The following PRRG1 variants were observed in gnomAD, a reference collection of about 807,000 sequenced individuals.
PRRG1 encodes proline rich and Gla domain 1.
A neutral mutation model predicts 11.8 loss-of-function variants in PRRG1; 5 were observed. That is an observed-to-expected ratio of 0.42 (90% CI 0.22 to 0.89). The LOEUF (loss-of-function observed/expected upper bound fraction) is 0.89. Ranked by LOEUF, PRRG1 falls within the 40% of genes least tolerant of loss-of-function variation. The pLI, the probability that PRRG1 is intolerant of heterozygous loss-of-function variation, is 0.28. For missense variants in PRRG1, 155 were observed against 166.1 expected (o/e 0.93, Z 0.37); for synonymous variants, 66 against 60.4 (o/e 1.09, Z -0.43).
intron 2 of PRRG1, 23 bp downstream of exon 2, chrX:37,406,282 G>A: frequency 8.4e-7 from 1 of 1,183,648 alleles, no homozygotes; most frequent in Non-Finnish European, 1.1e-6. Context: ...TCCTTTTTAA[G>A]TAATTCAGAC....
Position 37,442,001 on chromosome X carries a change from G to C in PRRG1, c.172-11135G>C. 4 of 768,790 alleles carry C rather than the reference G, an allele frequency of 5.2e-6. No homozygotes were observed. The South Asian group carries it at 1.9e-4, about 37-fold the overall frequency. The allele number at this position is 768,790 out of a possible 1,213,427, so 63.4% of individuals were successfully genotyped here. A position where few individuals can be genotyped will look rare whatever the true frequency, so the allele number is the denominator to read the frequency against. ...TACCTGAGCAACCTGTGCAAGACGTGAGCCCCAGAAGCAGGCCTGGCAGAG... is the reference window on the plus strand; with the variant it reads ...TACCTGAGCAACCTGTGCAAGACGTCAGCCCCAGAAGCAGGCCTGGCAGAG... On this transcript the variant is annotated intron_variant, in intron 3 of 3. Coordinates refer to ENST00000378628, the MANE Select transcript of PRRG1 (RefSeq NM_001142395.2).
intron 1 of PRRG1, among the ~76,000 whole-genome samples, chrX:37,369,172 C>T (rs1930677929): frequency 8.9e-6 from 1 of 112,304 alleles, no homozygotes; most frequent in South Asian, 3.7e-4. Flanking sequence ...GGTATCATTT[C>T]TCTTCTATGT....
chrX:37,381,257 G>A (rs1301875756), intron 1 of PRRG1, among the ~76,000 whole-genome samples: 2 of 111,380 alleles, frequency 1.8e-5, no homozygotes, highest in Non-Finnish European at 3.8e-5. Flanking sequence ...CATTTGAGTG[G>A]GCCAGTTTCT....
intron 3 of PRRG1, chrX:37,441,899 G>A: frequency 1.3e-6 from 1 of 772,917 alleles, no homozygotes; most frequent in Non-Finnish European, 1.5e-6. Flanking sequence ...ATGGAGAAAG[G>A]TGACCCCCAG....
chrX:37,383,848 A>G (rs1461861946), intron 1 of PRRG1, among the ~76,000 whole-genome samples: 1 of 111,143 alleles, frequency 9.0e-6, no homozygotes, highest in African/African-American at 3.3e-5. Flanking sequence ...CCAAAGCCAC[A>G]TTGTTTATTC....
At chrX:37,384,293 T>C (rs958385193) in intron 1 of PRRG1, among the ~76,000 whole-genome samples, 1 of 111,658 alleles carries the variant, frequency 9.0e-6, no homozygotes, top group Admixed American at 9.5e-5. Context: ...TGGAAAAGAC[T>C]TTCTGGACAG....
chrX:37,366,987 G>A (rs1211930288), intron 1 of PRRG1, among the ~76,000 whole-genome samples: 1 of 111,703 alleles, frequency 9.0e-6, no homozygotes, highest in African/African-American at 3.3e-5. Context: ...CACAGTAACA[G>A]TGTTTGGGCC....
At chrX:37,399,968 C>A (rs782776685) in intron 1 of PRRG1, among the ~76,000 whole-genome samples, 1,484 of 111,093 alleles carry the variant, frequency 0.013, 32 homozygotes, top group African/African-American at 0.045. Flanking sequence ...ACAGGAGCAC[C>A]CAGATTCATA....
At chrX:37,416,107 A>G (rs1556385111) in intron 2 of PRRG1, among the ~76,000 whole-genome samples, 1 of 112,325 alleles carries the variant, frequency 8.9e-6, no homozygotes, top group African/African-American at 3.2e-5. Context: ...GTGCTTACTA[A>G]CAATAGCACT....
intron 1 of PRRG1, among the ~76,000 whole-genome samples, chrX:37,383,205 C>T (rs1601985898): frequency 8.9e-6 from 1 of 111,975 alleles, no homozygotes; most frequent in East Asian, 2.8e-4. Flanking sequence ...CAAACCCACA[C>T]TCATGCTTTT....
intron 1 of PRRG1, among the ~76,000 whole-genome samples, chrX:37,361,390 G>C (rs1312866054): frequency 9.0e-6 from 1 of 110,985 alleles, no homozygotes; most frequent in African/African-American, 3.3e-5. Flanking sequence ...ATTATTGTGG[G>C]GTAATAATTG....
intron 3 of PRRG1, among the ~76,000 whole-genome samples, chrX:37,438,510 C>T (rs1932920711): frequency 1.0e-5 from 1 of 100,108 alleles, no homozygotes; most frequent in African/African-American, 3.7e-5. Flanking sequence ...GATCTCAGCT[C>T]ACTGCAACCT....
intron 3 of PRRG1, among the ~76,000 whole-genome samples, chrX:37,443,393 A>G (rs1385877986): frequency 8.9e-6 from 1 of 111,934 alleles, no homozygotes; most frequent in Non-Finnish European, 1.9e-5. Flanking sequence ...TGAATCAAGT[A>G]GATGGAAAAA....
intron 1 of PRRG1, among the ~76,000 whole-genome samples, chrX:37,383,306 A>C (rs781945285): frequency 8.9e-6 from 1 of 112,089 alleles, no homozygotes; most frequent in South Asian, 3.6e-4. Flanking sequence ...TGATATTTAT[A>C]GAACATGGAT....
At chrX:37,392,890 T>C (rs1405299087) in intron 1 of PRRG1, among the ~76,000 whole-genome samples, 3 of 111,702 alleles carry the variant, frequency 2.7e-5, no homozygotes, top group African/African-American at 9.8e-5. Flanking sequence ...CTCTAGATTG[T>C]ACCTTTAGTG....
intron 2 of PRRG1, among the ~76,000 whole-genome samples, chrX:37,424,558 A>G (rs1241491096): frequency 1.8e-5 from 2 of 110,654 alleles, no homozygotes; most frequent in African/African-American, 6.6e-5. Context: ...ATGATATTCT[A>G]TGAATCTGTG....
intron 1 of PRRG1, among the ~76,000 whole-genome samples, chrX:37,350,053 G>A (rs1191404110): frequency 9.5e-6 from 1 of 104,856 alleles, no homozygotes; most frequent in Non-Finnish European, 2.0e-5. Context: ...ATGGGAGAGC[G>A]GGGGGAGGGG....
intron 2 of PRRG1, 83 bp from the exon 3 acceptor site, chrX:37,425,755 CTA>C: frequency 1.2e-6 from 1 of 862,809 alleles, no homozygotes; most frequent in Non-Finnish European, 1.6e-6. Flanking sequence ...AGGATGTTGG[CTA>C]TGTTTTCTAA....
At chrX:37,452,549 G>A (rs1254182796) in intron 3 of PRRG1, among the ~76,000 whole-genome samples, 1 of 112,034 alleles carries the variant, frequency 8.9e-6, no homozygotes, top group Non-Finnish European at 1.9e-5. Context: ...GTCTCTCCTA[G>A]GAACAATATA....
Sources: gnomAD v4.1 joint callset for allele counts (sites outside exome capture counted in the v4.1 genomes callset) on GRCh38, gnomAD v4.1.1 for gene constraint, MANE v1.5 for transcripts, NCBI Gene and HGNC (gene_info 2026-07-23, HGNC 2026-07-21) for gene names.